SHROOM4: variants seen among roughly 807,000 people sequenced by gnomAD.
SHROOM4 encodes shroom family member 4.
SHROOM4 carries 17 observed loss-of-function variants against 80.3 expected under a neutral mutation model. The ratio of observed to expected loss-of-function variants is 0.21; its 90% CI spans 0.14 to 0.32. The LOEUF (loss-of-function observed/expected upper bound fraction) is 0.32, where lower values mean the gene tolerates loss of function less well. Among genes scored for constraint, SHROOM4 ranks in the 10% least tolerant of loss-of-function variants. The pLI is 1.00. For missense variants in SHROOM4, 993 were observed against 1,140.3 expected (o/e 0.87, Z 1.86); for synonymous variants, 400 against 437.5 (o/e 0.91, Z 1.07).
chrX:50,651,708 T>A (rs1332472613), intron 2 of SHROOM4, among the ~76,000 whole-genome samples: 1 of 111,547 alleles, frequency 9.0e-6, no homozygotes, highest in Non-Finnish European at 1.9e-5. Flanking sequence ...CATTAGGTAT[T>A]TCTCCTAATG....
intron 1 of SHROOM4, among the ~76,000 whole-genome samples, chrX:50,697,371 T>G (rs1203968098): frequency 9.0e-6 from 1 of 111,609 alleles, no homozygotes; most frequent in Non-Finnish European, 1.9e-5. Flanking sequence ...TCTCAGTCTT[T>G]TATAATGTCT....
chrX:50,766,404 T>A (rs981444255), intron 1 of SHROOM4, among the ~76,000 whole-genome samples: 21 of 107,981 alleles, frequency 1.9e-4, no homozygotes, highest in Admixed American at 6.9e-4. Context: ...TTGCCTCATT[T>A]AAAAAAAAAA....
rs782209004 is a variant in SHROOM4, at chrX:50,590,584, C to A, written c.*6111G>T. 4.3e-4 allele frequency among the ~76,000 whole-genome samples: 48 copies of A among 111,926 alleles called. No individual in the cohort carries two copies. The highest frequency in any genetic ancestry group is 1.6e-3 in the African/African-American group (48 of 30,879). The stretch of plus-strand genomic sequence containing the variant: ...TCCCTTTCTGTCTTTGCTGAGGACA[C>A]AGCCACAAGGTAGCCATCTGCAAAC... On this transcript the variant is annotated 3_prime_UTR_variant, in exon 9 of 9. Coordinates refer to ENST00000376020, the MANE Select transcript of SHROOM4 (RefSeq NM_020717.5).
At chrX:50,704,389 G>A (rs921160683) in intron 1 of SHROOM4, among the ~76,000 whole-genome samples, 6 of 111,645 alleles carry the variant, frequency 5.4e-5, no homozygotes, top group African/African-American at 2.0e-4. Context: ...TTGTTGATGT[G>A]AAAACTATTT....
chrX:50,598,260 C>G lies in SHROOM4; in HGVS notation c.4212+6G>C, dbSNP rs1557247018. ...TCTACCCACACCCCACAGACCCCAA[C>G]TCTACCTTCTCCTGGTTGGCCTCTG... On this transcript the variant is annotated splice_donor_region_variant and intron_variant, in intron 8 of 8. Transcript: ENST00000376020. 8.3e-7 allele frequency: 1 copy of G among 1,211,672 alleles called. No individual in the cohort carries two copies. Among genetic ancestry groups the G allele is most frequent in the Admixed American group, 2.2e-5 (1 of 45,977 alleles).
At chrX:50,786,455 G>C (rs782548510) in intron 1 of SHROOM4, among the ~76,000 whole-genome samples, 1 of 112,031 alleles carries the variant, frequency 8.9e-6, no homozygotes, top group African/African-American at 3.2e-5. Context: ...AACCTTTTTT[G>C]TGGGGGATGC....
chrX:50,580,440 T>G, the SHROOM4 span, among the ~76,000 whole-genome samples: 1 of 112,495 alleles, frequency 8.9e-6, no homozygotes, highest in African/African-American at 3.2e-5. Context: ...CATCCAAGAT[T>G]GGTAGAATTA....
chrX:50,603,608 A>G (rs570177670), intron 6 of SHROOM4, among the ~76,000 whole-genome samples: 1 of 111,845 alleles, frequency 8.9e-6, no homozygotes, highest in South Asian at 3.8e-4. Flanking sequence ...AATGGGGAAA[A>G]AAATGGAACC....
rs1557255613 is a variant in SHROOM4, at chrX:50,635,169, C to T, written c.904G>A (p.Val302Met). ...NGEQRRASEP[V>M]VPLPQKEKLS... Reference sequence around the variant, plus strand: ...TTCTCCTTCTGTGGCAAGGGGACCACAGGCTCAGATGCCCTGCGCTGCTCT... The same window carrying T: ...TTCTCCTTCTGTGGCAAGGGGACCATAGGCTCAGATGCCCTGCGCTGCTCT... Residue 302 changes from valine to methionine, a missense_variant, in exon 4 of 9, where the codon GTG becomes ATG. By Grantham distance (21) the Val-to-Met change is conservative. Transcript: ENST00000376020. 8.3e-7 allele frequency: 1 copy of T among 1,207,675 alleles called. No homozygotes were observed. The highest frequency in any genetic ancestry group is 1.1e-6 in the Non-Finnish European group (1 of 893,215).
chrX:50,659,871 G>A (rs1402577163), intron 2 of SHROOM4, among the ~76,000 whole-genome samples: 1 of 112,003 alleles, frequency 8.9e-6, no homozygotes, highest in Admixed American at 9.5e-5. Flanking sequence ...GAACCTTGCC[G>A]TTTGTGCTTA....
At chrX:50,606,881 G>T (rs182390458) in intron 6 of SHROOM4, among the ~76,000 whole-genome samples, 57 of 110,004 alleles carry the variant, frequency 5.2e-4, no homozygotes, top group Non-Finnish European at 9.3e-4. Context: ...TGGTGGTTGT[G>T]GGGGGACGAG....
chrX:50,651,996 G>C (rs1420764111), intron 2 of SHROOM4, among the ~76,000 whole-genome samples: 3 of 111,465 alleles, frequency 2.7e-5, no homozygotes, highest in Admixed American at 9.5e-5. Flanking sequence ...TGGGCATTTG[G>C]GTTGGTTCCA....
At chrX:50,743,715 C>T (rs1468811469) in intron 1 of SHROOM4, among the ~76,000 whole-genome samples, 1 of 111,618 alleles carries the variant, frequency 9.0e-6, no homozygotes. Context: ...CCTTGGCCTC[C>T]CAAAGTGCTG....
chrX:50,623,669 TA>T (rs1267679650), intron 5 of SHROOM4, among the ~76,000 whole-genome samples: 1 of 111,629 alleles, frequency 9.0e-6, no homozygotes, highest in Non-Finnish European at 1.9e-5. Context: ...ATTTCACTCT[TA>T]AATATGTACC....
chrX:50,650,776 G>T (rs1557258605), intron 2 of SHROOM4, among the ~76,000 whole-genome samples: 1 of 112,322 alleles, frequency 8.9e-6, no homozygotes, highest in Non-Finnish European at 1.9e-5. Flanking sequence ...CAATTATACT[G>T]GTGATTTCAC....
chrX:50,634,193 G>A lies in SHROOM4; in HGVS notation c.1880C>T (p.Pro627Leu), dbSNP rs782306706. Residue 627 changes from proline to leucine, a missense_variant, in exon 4 of 9, where the codon CCA becomes CTA. Coordinates refer to ENST00000376020, the MANE Select transcript of SHROOM4 (RefSeq NM_020717.5). ...AGAGGCAGTGAGTGGAGGACTTTCT[G>A]GGGGCTCCTGGGTCTCTTCCACTGG... ...KEPVEETQEP[P>L]ESPPLTASNT... is the part of the protein sequence containing the mutation. 3 of 1,211,562 alleles carry A rather than the reference G, an allele frequency of 2.5e-6. No individual in the cohort carries two copies. The highest frequency in any genetic ancestry group is 4.3e-5 in the Admixed American group (2 of 46,069).
chrX:50,747,545 T>C (rs1557267711), intron 1 of SHROOM4, among the ~76,000 whole-genome samples: 2 of 112,049 alleles, frequency 1.8e-5, no homozygotes, highest in Non-Finnish European at 3.8e-5. Flanking sequence ...ATCCATGGAA[T>C]GTAGAACTCT....
chrX:50,688,269 T>A (rs2147436251), intron 2 of SHROOM4, among the ~76,000 whole-genome samples: 1 of 111,466 alleles, frequency 9.0e-6, no homozygotes, highest in South Asian at 3.8e-4. Flanking sequence ...TGTATATATA[T>A]ATCAAAGAGA....
At chrX:50,783,571 G>A (rs1032245251) in intron 1 of SHROOM4, among the ~76,000 whole-genome samples, 2 of 106,795 alleles carry the variant, frequency 1.9e-5, no homozygotes, top group Non-Finnish European at 1.9e-5. Context: ...TTGACAAGTC[G>A]ATTCTAATTT....
Sources: allele counts gnomAD v4.1 joint callset (sites outside exome capture counted in the v4.1 genomes callset), GRCh38; gene constraint gnomAD v4.1.1; transcripts MANE v1.5; gene names NCBI Gene and HGNC (gene_info 2026-07-23, HGNC 2026-07-21).